CCDC85A: variants seen among roughly 807,000 people sequenced by gnomAD.
CCDC85A encodes coiled-coil domain containing 85A.
Under a neutral mutation model 50.2 loss-of-function variants are expected in CCDC85A, and 38 were observed. The observed-to-expected ratio is 0.76, with a 90% CI of 0.58 to 0.99. CCDC85A has a LOEUF of 0.99. CCDC85A is among the 50% of genes least tolerant of loss of function. CCDC85A has a pLI of 0.00. For missense variants in CCDC85A, 820 were observed against 742.0 expected (o/e 1.11, Z -1.22); for synonymous variants, 366 against 301.4 (o/e 1.21, Z -2.22).
chr2:56,221,300 A>C (rs1668316859), intron 2 of CCDC85A, among the ~76,000 whole-genome samples: 1 of 152,068 alleles, frequency 6.6e-6, no homozygotes, highest in Non-Finnish European at 1.5e-5. Context: ...ACTATGTAGT[A>C]GATGTGCACT....
intron 2 of CCDC85A, among the ~76,000 whole-genome samples, chr2:56,245,064 C>G (rs1669440293): frequency 6.6e-6 from 1 of 152,188 alleles, no homozygotes; most frequent in African/African-American, 2.4e-5. Flanking sequence ...ACTCCCTTAG[C>G]CACCCTGACT....
At chr2:56,204,079 T>C (rs1458848140) in intron 2 of CCDC85A, among the ~76,000 whole-genome samples, 1 of 152,162 alleles carries the variant, frequency 6.6e-6, no homozygotes, top group South Asian at 2.1e-4. Flanking sequence ...GAGTCAGTAG[T>C]ACCAGAATTT....
intron 3 of CCDC85A, among the ~76,000 whole-genome samples, chr2:56,366,873 T>C (rs1262355334): frequency 6.6e-6 from 1 of 152,174 alleles, no homozygotes; most frequent in African/African-American, 2.4e-5. Flanking sequence ...CCTTCTTATT[T>C]CTTTCATCTT....
chr2:56,352,507 A>T (rs1675005003), intron 3 of CCDC85A, among the ~76,000 whole-genome samples: 1 of 151,938 alleles, frequency 6.6e-6, no homozygotes, highest in African/African-American at 2.4e-5. Context: ...CACCACGCCC[A>T]GCTAATTTTT....
At position 56,192,656 on chromosome 2, in the gene CCDC85A, G is replaced by A; in HGVS notation, c.456G>A (p.Glu152=). The change falls in exon 2 of 6, where the codon GAG becomes GAA. Residue 152 remains glutamate (E), a synonymous_variant. Coordinates refer to ENST00000407595, the MANE Select transcript of CCDC85A (RefSeq NM_001080433.2). This position sits in a 1 kb window ranked among gnomAD's most constrained non-coding sequence, Gnocchi z 4.7. ...ALYLQKLKDL[E]VKQEEVVKEN... ...ACCTGCAGAAGCTGAAAGACCTGGA[G>A]GTGAAGCAGGAGGAAGTGGTGAAGG... is the stretch of plus-strand genomic sequence containing the variant. 1 of 1,613,872 alleles carries A rather than the reference G, an allele frequency of 6.2e-7. No individual in the cohort carries two copies. Among genetic ancestry groups the A allele is most frequent in the Non-Finnish European group, 8.5e-7 (1 of 1,179,860 alleles).
chr2:56,297,565 T>C (rs73940644), intron 2 of CCDC85A, among the ~76,000 whole-genome samples: 7,217 of 152,248 alleles, frequency 0.047, 576 homozygotes, highest in African/African-American at 0.16. Context: ...GTATTTCAAG[T>C]GGAATCACAG....
intron 2 of CCDC85A, among the ~76,000 whole-genome samples, chr2:56,263,250 G>A (rs974874172): frequency 1.3e-5 from 2 of 152,138 alleles, no homozygotes; most frequent in African/African-American, 4.8e-5. Flanking sequence ...GGAATTCTTT[G>A]TCTTGCACTG....
intron 2 of CCDC85A, among the ~76,000 whole-genome samples, chr2:56,236,607 A>G (rs542236022): frequency 6.6e-6 from 1 of 152,114 alleles, no homozygotes; most frequent in Non-Finnish European, 1.5e-5. Context: ...TTAACTCTCC[A>G]CCCACATATT....
At chr2:56,257,449 A>G (rs955569788) in intron 2 of CCDC85A, among the ~76,000 whole-genome samples, 1 of 152,150 alleles carries the variant, frequency 6.6e-6, no homozygotes, top group Non-Finnish European at 1.5e-5. Flanking sequence ...ATAAACAGCT[A>G]GGGGCAAGCA....
intron 2 of CCDC85A, 140 bp from the exon 3 acceptor site, chr2:56,342,739 G>T: frequency 1.9e-6 from 1 of 514,518 alleles, no homozygotes; most frequent in Non-Finnish European, 3.4e-6. Flanking sequence ...TTATTTTTCT[G>T]GGAGATATTT....
chr2:56,286,422 T>G (rs904021187), intron 2 of CCDC85A, among the ~76,000 whole-genome samples: 2 of 152,154 alleles, frequency 1.3e-5, no homozygotes, highest in Non-Finnish European at 2.9e-5. Context: ...TTAAAATGCT[T>G]TCATCTATGT....
intron 2 of CCDC85A, among the ~76,000 whole-genome samples, chr2:56,208,784 C>G (rs1490676506): frequency 1.3e-5 from 2 of 152,200 alleles, no homozygotes; most frequent in Non-Finnish European, 1.5e-5. Flanking sequence ...AGCTGGCAGC[C>G]TGGGATTTGT....
intron 2 of CCDC85A, among the ~76,000 whole-genome samples, chr2:56,268,999 A>C (rs1439819674): frequency 6.6e-6 from 1 of 152,184 alleles, no homozygotes; most frequent in Non-Finnish European, 1.5e-5. Context: ...ATCTTTCTGT[A>C]AGACTTGGAA....
At chr2:56,330,802 A>G (rs925225276) in intron 2 of CCDC85A, among the ~76,000 whole-genome samples, 2 of 152,214 alleles carry the variant, frequency 1.3e-5, no homozygotes, top group Non-Finnish European at 2.9e-5. Context: ...ACTTTTATGG[A>G]AAGTTGTATA....
intron 2 of CCDC85A, among the ~76,000 whole-genome samples, chr2:56,297,413 G>A (rs970670243): frequency 1.5e-5 from 2 of 137,700 alleles, no homozygotes; most frequent in East Asian, 2.2e-4. Context: ...TTTTTTAATT[G>A]TGTGACCTTT....
At chr2:56,194,752 G>A (rs1329934980) in intron 2 of CCDC85A, among the ~76,000 whole-genome samples, 1 of 152,184 alleles carries the variant, frequency 6.6e-6, no homozygotes, top group Non-Finnish European at 1.5e-5. Flanking sequence ...TCGTTGGGAG[G>A]TGGAGGCCCA....
At chr2:56,253,428 G>A (rs530009016) in intron 2 of CCDC85A, among the ~76,000 whole-genome samples, 1 of 152,248 alleles carries the variant, frequency 6.6e-6, no homozygotes, top group African/African-American at 2.4e-5. Flanking sequence ...AGAACAAGAA[G>A]ACCAGAGCGG....
At chr2:56,360,461 A>G (rs1241809821) in intron 3 of CCDC85A, among the ~76,000 whole-genome samples, 1 of 152,200 alleles carries the variant, frequency 6.6e-6, no homozygotes, top group Non-Finnish European at 1.5e-5. Flanking sequence ...AGACATCTCT[A>G]ACCAGCCTCG....
intron 2 of CCDC85A, among the ~76,000 whole-genome samples, chr2:56,249,085 C>A (rs1033502613): frequency 3.9e-5 from 6 of 152,214 alleles, no homozygotes; most frequent in African/African-American, 1.4e-4. Context: ...GACCTTCTCT[C>A]TTCTTCTGTC....
Sources: gnomAD v4.1 joint callset for allele counts (sites outside exome capture counted in the v4.1 genomes callset) on GRCh38, gnomAD v4.1.1 for gene constraint, Gnocchi (gnomAD v3.1) non-coding constraint, MANE v1.5 for transcripts, NCBI Gene and HGNC (gene_info 2026-07-23, HGNC 2026-07-21) for gene names.